DPP6: variants seen among roughly 807,000 people sequenced by gnomAD.
DPP6 encodes dipeptidyl peptidase like 6, also known as A-type potassium channel modulatory protein DPP6.
Under a neutral mutation model 122.6 loss-of-function variants are expected in DPP6, and 69 were observed. That is an observed-to-expected ratio of 0.56 (90% CI 0.46 to 0.69). The LOEUF is 0.69. Among genes scored for constraint, DPP6 ranks in the 30% least tolerant of loss-of-function variants. The probability of loss-of-function intolerance (pLI) is 0.00; values close to 1 mark genes in which losing one functional copy is unlikely to be tolerated. For synonymous variants in DPP6, 418 were observed against 433.1 expected (o/e 0.97, Z 0.43); for missense variants, 928 against 1,116.9 (o/e 0.83, Z 2.41).
At chr7:154,784,137 C>T (rs1797194432) in intron 10 of DPP6, among the ~76,000 whole-genome samples, 1 of 152,082 alleles carries the variant, frequency 6.6e-6, no homozygotes, top group African/African-American at 2.4e-5. Flanking sequence ...GCCTCATGCC[C>T]AACATGGAAC....
chr7:154,357,141 G>A lies in DPP6; in HGVS notation c.244-89073G>A, dbSNP rs182347660. Among the ~76,000 whole-genome samples, 1,146 of 152,202 alleles carry A rather than the reference G, an allele frequency of 7.5e-3. 20 individuals are homozygous for A. The highest frequency in any genetic ancestry group is 0.04 in the East Asian group (206 of 5,182). ...ATGAACAATGAATAGCTGACCTATA[G>A]TAAAAGCAAGAGGTTAAAGTAAAAA... is the stretch of plus-strand genomic sequence containing the variant. On this transcript the variant is annotated intron_variant, in intron 1 of 25. Transcript: ENST00000377770.
At chr7:154,803,166 A>G (rs1373021327) in intron 13 of DPP6, among the ~76,000 whole-genome samples, 1 of 151,976 alleles carries the variant, frequency 6.6e-6, no homozygotes, top group Non-Finnish European at 1.5e-5. Flanking sequence ...ACCTAGTTTA[A>G]TCTCCACCTG....
chr7:154,713,557 A>T (rs1345841262), intron 7 of DPP6, among the ~76,000 whole-genome samples: 1 of 152,210 alleles, frequency 6.6e-6, no homozygotes, highest in African/African-American at 2.4e-5. Context: ...CAGGCCCAAC[A>T]TCACATGGAA....
the DPP6 span, among the ~76,000 whole-genome samples, chr7:153,782,386 C>T: frequency 5.9e-5 from 9 of 152,152 alleles, no homozygotes; most frequent in Non-Finnish European, 1.2e-4. Context: ...ATGAAGGAAG[C>T]GAACCGTGGC....
chr7:154,875,341 G>A lies in DPP6; in HGVS notation c.1884-565G>A, dbSNP rs377345047. On this transcript the variant is annotated intron_variant, in intron 19 of 25. Coordinates refer to ENST00000377770, the MANE Select transcript of DPP6 (RefSeq NM_130797.4). The surrounding 1 kb of genome is among the most constrained non-coding windows in gnomAD (Gnocchi z 4.5). ...ACAGTGGGAGCCGCCAGCCCAGGTC[G>A]GAGGCCACACTGCCCAGAGCCAATG... is the stretch of plus-strand genomic sequence containing the variant. Among the ~76,000 whole-genome samples the A allele has an allele frequency of 6.0e-4, 91 of 152,172 alleles. No individual in the cohort carries two copies. Among genetic ancestry groups the A allele is most frequent in the African/African-American group, 8.9e-4 (37 of 41,444 alleles).
intron 1 of DPP6, among the ~76,000 whole-genome samples, chr7:154,426,939 T>G (rs1440003745): frequency 6.6e-6 from 1 of 152,136 alleles, no homozygotes; most frequent in Non-Finnish European, 1.5e-5. Flanking sequence ...GAATAATGTG[T>G]AAGAGTTTCT....
chr7:154,197,000 T>C (rs1347357182), intron 1 of DPP6, among the ~76,000 whole-genome samples: 1 of 152,122 alleles, frequency 6.6e-6, no homozygotes, highest in African/African-American at 2.4e-5. Context: ...CAAGTTTCTA[T>C]GTTTTGGGGC....
rs538182642 is a variant in DPP6, at chr7:154,446,237, G to A, written c.267G>A (p.Pro89=). The A allele has an allele frequency of 3.9e-5, 63 of 1,608,150 alleles. 1 individual carries two copies. Among genetic ancestry groups the A allele is most frequent in the Middle Eastern group, 3.3e-4 (2 of 6,044 alleles). The change falls in exon 2 of 26, where the codon CCG becomes CCA. Residue 89 remains proline (P), a synonymous_variant. Coordinates refer to ENST00000377770, the MANE Select transcript of DPP6 (RefSeq NM_130797.4). ...EEDELVGSNP[P]QRNWKGIAIA... The stretch of plus-strand genomic sequence containing the variant: ...AGGAGCTGGTGGGGAGTAACCCTCC[G>A]CAGAGGAATTGGAAAGGAATAGCAA...
At chr7:153,967,840 C>T (rs1349689453) in intron 1 of DPP6, among the ~76,000 whole-genome samples, 1 of 151,838 alleles carries the variant, frequency 6.6e-6, no homozygotes, top group African/African-American at 2.4e-5. Flanking sequence ...AGATAGAGGA[C>T]TCTGAGAAAA....
intron 1 of DPP6, among the ~76,000 whole-genome samples, chr7:154,421,698 C>T (rs1456876763): frequency 1.3e-5 from 2 of 152,090 alleles, no homozygotes; most frequent in African/African-American, 4.8e-5. Flanking sequence ...TGGTCTAAGA[C>T]TTTGATGTGT....
At chr7:154,357,951 A>G (rs73167359) in intron 1 of DPP6, among the ~76,000 whole-genome samples, 6,354 of 151,718 alleles carry the variant, frequency 0.042, 167 homozygotes, top group Middle Eastern at 0.11. Context: ...CGTCTCAAAA[A>G]AAAAAAAAAG....
intron 3 of DPP6, among the ~76,000 whole-genome samples, chr7:154,515,058 G>A (rs1826378618): frequency 1.3e-5 from 2 of 152,166 alleles, no homozygotes. Flanking sequence ...TGACACTCAA[G>A]AAATTAGGCC....
chr7:154,443,507 CATGG>C (rs67554140), intron 1 of DPP6, among the ~76,000 whole-genome samples: 112,573 of 147,632 alleles, frequency 0.76, 45,097 homozygotes, highest in South Asian at 0.91. Flanking sequence ...TTGACAGATA[CATGG>C]ATGGATGGAT....
At chr7:154,497,477 C>T (rs781083911) in intron 3 of DPP6, among the ~76,000 whole-genome samples, 6 of 152,006 alleles carry the variant, frequency 3.9e-5, no homozygotes, top group African/African-American at 7.2e-5. Flanking sequence ...GATGTGGTGG[C>T]GGGCATCTGT....
chr7:154,101,935 C>CAA (rs915468915), intron 1 of DPP6, among the ~76,000 whole-genome samples: 1,503 of 40,282 alleles, frequency 0.037, 117 homozygotes, highest in African/African-American at 0.13. Context: ...TACTCCATCT[C>CAA]AAAAAAAAAA....
At chr7:154,580,232 TAC>T (rs1039470708) in intron 5 of DPP6, among the ~76,000 whole-genome samples, 34 of 147,252 alleles carry the variant, frequency 2.3e-4, no homozygotes, top group African/African-American at 5.0e-4. Context: ...CTCCCCCTTA[TAC>T]ACACACACAT....
intron 1 of DPP6, among the ~76,000 whole-genome samples, chr7:154,114,414 G>A (rs575218603): frequency 6.6e-6 from 1 of 152,162 alleles, no homozygotes; most frequent in Admixed American, 6.5e-5. Flanking sequence ...ATCCTGTAAA[G>A]CAATCTTTCC....
rs1280236411 is a variant in DPP6, at chr7:154,591,549, G to T, written c.627+24633G>T. On this transcript the variant is annotated intron_variant, in intron 5 of 25. Transcript: ENST00000377770. ...TCTCAGTGGCTTTTCTTTGGGTAGA[G>T]AGTGAGATAATTAAAGTCTGGAAGG... Among the ~76,000 whole-genome samples, 4 of 152,214 alleles carry T rather than the reference G, an allele frequency of 2.6e-5. No individual in the cohort carries two copies. The East Asian group carries it at 7.7e-4, about 29-fold the overall frequency.
At chr7:154,750,002 G>A (rs1054670315) in intron 8 of DPP6, among the ~76,000 whole-genome samples, 4 of 149,294 alleles carry the variant, frequency 2.7e-5, no homozygotes, top group Non-Finnish European at 3.0e-5. Context: ...AGCATAGGAC[G>A]GGAAAGAGAG....
Sources: gnomAD v4.1 joint callset for allele counts (sites outside exome capture counted in the v4.1 genomes callset) on GRCh38, gnomAD v4.1.1 for gene constraint, Gnocchi (gnomAD v3.1) non-coding constraint, MANE v1.5 for transcripts, NCBI Gene and HGNC (gene_info 2026-07-23, HGNC 2026-07-21) for gene names.